The following DDX23 variants were observed in gnomAD, a reference collection of about 807,000 sequenced individuals.
DDX23 encodes DEAD-box helicase 23.
In DDX23, 33 loss-of-function variants were observed where a neutral mutation model predicts 102.7. The ratio of observed to expected loss-of-function variants is 0.32; its 90% confidence interval spans 0.24 to 0.43. The LOEUF is 0.43. Ranked by LOEUF, DDX23 falls within the 20% of genes least tolerant of loss-of-function variation. The probability of loss-of-function intolerance (pLI) is 1.00; values close to 1 mark genes in which losing one functional copy is unlikely to be tolerated. For missense variants in DDX23, 549 were observed against 1,086.6 expected (o/e 0.51, Z 6.96); for synonymous variants, 352 against 376.0 (o/e 0.94, Z 0.74).
Position 48,838,041 on chromosome 12 carries a change from G to A in DDX23, c.520C>T (p.Leu174=), listed in dbSNP as rs1046190406. Residue 174 remains leucine, a synonymous_variant, in exon 6 of 17, where the codon CTA becomes TTA. Transcript: ENST00000308025. ...LSKAEREAEA[L]KRRQQEVEER... ...TCCACCTCCTGCTGCCGTCGCTTTAGAGCTTCAGCCTCTCGTTCTGCTTTA... is the reference window on the plus strand; with the variant it reads ...TCCACCTCCTGCTGCCGTCGCTTTAAAGCTTCAGCCTCTCGTTCTGCTTTA... The A allele has an allele frequency of 5.0e-6, 8 of 1,614,180 alleles. No homozygotes were observed. Among genetic ancestry groups the A allele is most frequent in the Non-Finnish European group, 5.1e-6 (6 of 1,180,048 alleles).
At position 48,830,655 on chromosome 12, in the gene DDX23, G is replaced by A. The variant is rs781203319; in HGVS notation, c.2277C>T (p.Gly759=). 6.2e-7 allele frequency: 1 copy of A among 1,613,824 alleles called. No homozygotes were observed. ...IHRIGRTGRA[G]KSGVAITFLT... ...GGAAGGTGATGGCCACCCCACTCTT[G>A]CCTGCTCGTCCCGTGCGGCCAATGC... is the stretch of plus-strand genomic sequence containing the variant. Residue 759 remains glycine (G), a synonymous_variant, in exon 17 of 17, where the codon GGC becomes GGT. Transcript: ENST00000308025. The surrounding 1 kb of genome is among the most constrained non-coding windows in gnomAD (Gnocchi z 4.9).
Position 48,837,627 on chromosome 12 carries a change from C to T in DDX23, c.650G>A (p.Arg217His), listed in dbSNP as rs377504708. The change falls in exon 7 of 17, where the codon CGC (arginine) becomes CAC (histidine). Residue 217 changes from arginine (R) to histidine (H), a missense_variant. By Grantham distance (29) the Arg-to-His change is conservative. Transcript: ENST00000308025. ...GGTCTCCCGTTCCATCCTCTCCCTG[C>T]GTTCCCGACGTTCCCGTTCCTGAGG... ...EDPQERERRERRERMERETNG... is the reference protein window; with the variant it reads ...EDPQERERREHRERMERETNG... 1.2e-6 allele frequency: 2 copies of T among 1,614,132 alleles called. No individual in the cohort carries two copies. Among genetic ancestry groups the T allele is most frequent in the Non-Finnish European group, 1.7e-6 (2 of 1,180,028 alleles).
At chr12:48,846,999 A>G (rs184275135) in intron 1 of DDX23, among the ~76,000 whole-genome samples, 5 of 152,264 alleles carry the variant, frequency 3.3e-5, no homozygotes, top group Admixed American at 3.3e-4. Context: ...AACTTATTTT[A>G]TCCCCAAATG....
chr12:48,830,332 TG>T lies in DDX23; in HGVS notation c.*136del. The T allele has an allele frequency of 9.3e-7, 1 of 1,076,180 alleles. No homozygotes were observed. Among genetic ancestry groups the T allele is most frequent in the Non-Finnish European group, 1.4e-6 (1 of 716,982 alleles). The allele number at this position is 1,076,180 out of a possible 1,614,324, so 66.7% of individuals were successfully genotyped here. A position where few individuals can be genotyped will look rare whatever the true frequency, so the allele number is the denominator to read the frequency against. On this transcript the variant is annotated 3_prime_UTR_variant, in exon 17 of 17. Transcript: ENST00000308025. This position sits in a 1 kb window ranked among gnomAD's most constrained non-coding sequence, Gnocchi z 4.9. ...ACGCAGGCCTCCTGACCTGAGGGTC[TG>T]GGCTAGGGAGTTGGATTGTTTTCCT...
rs113080447 is a variant in DDX23 at position 48,836,428 on chromosome 12, C to T, written c.1236+141G>A. On this transcript the variant is annotated intron_variant, in intron 10 of 16. Transcript: ENST00000308025. The surrounding 1 kb of genome is among the most constrained non-coding windows in gnomAD (Gnocchi z 6.1). ...GAAACCTAATCACTAAAAGCCAACA[C>T]TTCTACCAGAAAGTGACAGAAAAGG... 20 of 1,238,428 alleles carry T rather than the reference C, an allele frequency of 1.6e-5. No homozygotes were observed. Among genetic ancestry groups the T allele is most frequent in the African/African-American group, 1.2e-4 (8 of 66,508 alleles). The allele number at this position is 1,238,428 out of a possible 1,614,324, so 76.7% of individuals were successfully genotyped here. A position where few individuals can be genotyped will look rare whatever the true frequency, so the allele number is the denominator to read the frequency against.
At chr12:48,831,958 G>A in intron 15 of DDX23, 120 bp downstream of exon 15, 1 of 897,562 alleles carries the variant, frequency 1.1e-6, no homozygotes, top group Non-Finnish European at 1.8e-6. Flanking sequence ...GTCCTAACTT[G>A]TTGATTGCTG....
chr12:48,833,604 GA>G, intron 12 of DDX23, 85 bp from the exon 13 acceptor site: 2 of 1,515,406 alleles, frequency 1.3e-6, no homozygotes, highest in Non-Finnish European at 1.8e-6. Context: ...TTGGGTGACA[GA>G]CCTCCAATGC....
chr12:48,840,119 G>C lies in DDX23; in HGVS notation c.321-13C>G. On this transcript the variant is annotated splice_polypyrimidine_tract_variant and intron_variant, in intron 3 of 16. Coordinates refer to ENST00000308025, the MANE Select transcript of DDX23 (RefSeq NM_004818.3). ...ACCAGGAGATAAGCTTTGAGGAAAA[G>C]GAACAAGGTCCACATCACTCTTACT... The C allele has an allele frequency of 6.2e-7, 1 of 1,603,914 alleles. No individual in the cohort carries two copies. The highest frequency in any genetic ancestry group is 8.5e-7 in the Non-Finnish European group (1 of 1,170,768).
In DDX23 at chr12:48,840,057, A is replaced by G; in HGVS notation, c.370T>C (p.Ser124Pro). 1 of 1,614,160 alleles carries G rather than the reference A, an allele frequency of 6.2e-7. No individual in the cohort carries two copies. Among genetic ancestry groups the G allele is most frequent in the Non-Finnish European group, 8.5e-7 (1 of 1,180,022 alleles). ...TGTTCATCCTCTTCATCCTTCTTAGAGTCTCTGTCCTTCCGAGATTTAAAG... is the reference window on the plus strand; with the variant it reads ...TGTTCATCCTCTTCATCCTTCTTAGGGTCTCTGTCCTTCCGAGATTTAAAG... ...KDFKSRKDRDSKKDEEDEHGD... is the reference protein window; with the variant it reads ...KDFKSRKDRDPKKDEEDEHGD... Residue 124 changes from serine to proline, a missense_variant, in exon 4 of 17, where the codon TCT becomes CCT. Around this residue, in one of 4 missense-constraint regions of DDX23, gnomAD observed 241 missense variants for 267.0 expected, o/e 0.90. Coordinates refer to ENST00000308025, the MANE Select transcript of DDX23 (RefSeq NM_004818.3).
chr12:48,849,443 C>T lies in DDX23; in HGVS notation c.-1+2641G>A, dbSNP rs553639595. 2.0e-5 allele frequency among the ~76,000 whole-genome samples: 3 copies of T among 151,998 alleles called. No homozygotes were observed. In the East Asian group the frequency reaches 5.9e-4, roughly 30 times the overall value. On this transcript the variant is annotated intron_variant, in intron 1 of 16. Transcript: ENST00000308025. ...CTTTGGGAGGCTGAGATAGGCAGAT[C>T]ATGAGGTCAGGAGTTCGAGACCAGC...
chr12:48,838,669 G>A (rs1173243371), intron 5 of DDX23, among the ~76,000 whole-genome samples: 6 of 151,658 alleles, frequency 4.0e-5, no homozygotes, highest in African/African-American at 1.5e-4. Flanking sequence ...GGCCAGCACA[G>A]TGAAACCCTA....
At chr12:48,851,959 G>A (rs1011312610) in intron 1 of DDX23, 125 bp downstream of exon 1, 1 of 152,528 alleles carries the variant, frequency 6.6e-6, no homozygotes, top group African/African-American at 2.4e-5. Context: ...CGAGCTTCCC[G>A]GGTTCATGCC....
intron 11 of DDX23, among the ~76,000 whole-genome samples, chr12:48,834,915 CAG>C (rs1938445339): frequency 6.6e-6 from 1 of 150,984 alleles, no homozygotes; most frequent in Non-Finnish European, 1.5e-5. Flanking sequence ...GCCTGGGTGA[CAG>C]AGACACTCTG....
rs372110161 is a variant in DDX23, at chr12:48,830,724, G to A, written c.2240-32C>T. 5.1e-6 allele frequency: 8 copies of A among 1,559,904 alleles called. No individual in the cohort carries two copies. In the African/African-American group the frequency reaches 5.4e-5, roughly 11 times the overall value. On this transcript the variant is annotated intron_variant, in intron 16 of 16. Coordinates refer to ENST00000308025, the MANE Select transcript of DDX23 (RefSeq NM_004818.3). This position sits in a 1 kb window ranked among gnomAD's most constrained non-coding sequence, Gnocchi z 4.9. ...AATGGGAAGAACGTCACTCAGCATA[G>A]CCCAGATGCCCTGGGGAGCCGTGTC...
chr12:48,843,885 T>C (rs2137493184), intron 3 of DDX23, 55 bp downstream of exon 3: 2 of 1,578,852 alleles, frequency 1.3e-6, no homozygotes, highest in Non-Finnish European at 1.7e-6. Flanking sequence ...CAAACTCAGG[T>C]GCAGAGAAGA....
chr12:48,843,716 T>A (rs1236057421), intron 3 of DDX23, among the ~76,000 whole-genome samples: 1 of 151,830 alleles, frequency 6.6e-6, no homozygotes, highest in Non-Finnish European at 1.5e-5. Context: ...GCCCGGCTAA[T>A]TTTTTGTATA....
At chr12:48,834,750 A>G (rs1218088125) in intron 11 of DDX23, 1 of 344,392 alleles carries the variant, frequency 2.9e-6, no homozygotes, top group Admixed American at 4.5e-5. Context: ...CCTGGCCAAC[A>G]TGGTGAAACC....
In DDX23 at chr12:48,830,155, G is replaced by A; in HGVS notation, c.*314C>T. ...GCGGCCAGGTTTCTGTTCAGTCTGG[G>A]GAGCAATGCCAACTGGCTGCCCCCA... On this transcript the variant is annotated 3_prime_UTR_variant, in exon 17 of 17. Transcript: ENST00000308025. This position sits in a 1 kb window ranked among gnomAD's most constrained non-coding sequence, Gnocchi z 4.9. 1 of 526,996 alleles carries A rather than the reference G, an allele frequency of 1.9e-6. No homozygotes were observed. Among genetic ancestry groups the A allele is most frequent in the Non-Finnish European group, 3.7e-6 (1 of 273,202 alleles). 32.6% of individuals were successfully genotyped at this position (526,996 alleles called of 1,614,324 possible). A position where few individuals can be genotyped will look rare whatever the true frequency, so the allele number is the denominator to read the frequency against.
At chr12:48,839,710 C>T (rs1938519147) in intron 5 of DDX23, 134 bp downstream of exon 5, 1 of 848,898 alleles carries the variant, frequency 1.2e-6, no homozygotes, top group Non-Finnish European at 1.8e-6. Context: ...AGAAATAACC[C>T]TGCTGACACT....
Sources: gnomAD v4.1 joint callset for allele counts (sites outside exome capture counted in the v4.1 genomes callset) on GRCh38, gnomAD v4.1.1 for gene constraint, gnomAD v4.1.1 regional missense constraint, Gnocchi (gnomAD v3.1) non-coding constraint, MANE v1.5 for transcripts, NCBI Gene and HGNC (gene_info 2026-07-23, HGNC 2026-07-21) for gene names.